GRIN2B: variants seen among roughly 807,000 people sequenced by gnomAD.
GRIN2B encodes the protein glutamate ionotropic receptor NMDA type subunit 2B.
GRIN2B carries 5 observed loss-of-function variants against 114.5 expected under a neutral mutation model. That is an observed-to-expected ratio of 0.04 (90% CI 0.02 to 0.09). The LOEUF (loss-of-function observed/expected upper bound fraction) is 0.09, where lower values mean the gene tolerates loss of function less well. Among genes scored for constraint, GRIN2B ranks in the 10% least tolerant of loss-of-function variants. The probability of loss-of-function intolerance (pLI) is 1.00; values close to 1 mark genes in which losing one functional copy is unlikely to be tolerated. For missense variants in GRIN2B, 1,108 were observed against 1,943.5 expected (o/e 0.57, Z 8.08); for synonymous variants, 787 against 745.1 (o/e 1.06, Z -0.92).
rs544156812 is a variant in GRIN2B at position 13,784,458 on chromosome 12, T to C, written c.412-30543A>G. On this transcript the variant is annotated intron_variant, in intron 3 of 13. Transcript: ENST00000609686. The stretch of plus-strand genomic sequence containing the variant: ...TGTCCCCAGGTGACAGAATTTCAAC[T>C]GTCCCCAGGTGATAGCTGTCCCACT... Among the ~76,000 whole-genome samples, 7 of 152,200 alleles carry C rather than the reference T, an allele frequency of 4.6e-5. No individual in the cohort carries two copies. The East Asian group carries it at 1.4e-3, about 30-fold the overall frequency.
chr12:13,835,849 C>CA (rs1865253551), intron 3 of GRIN2B, among the ~76,000 whole-genome samples: 1 of 149,556 alleles, frequency 6.7e-6, no homozygotes, highest in Non-Finnish European at 1.5e-5. Context: ...ATTGCCATGG[C>CA]AACTCTGAAT....
chr12:13,840,807 G>T (rs951489849), intron 3 of GRIN2B, among the ~76,000 whole-genome samples: 2 of 151,512 alleles, frequency 1.3e-5, no homozygotes, highest in South Asian at 2.1e-4. Context: ...TTTGTTGTTG[G>T]TGGTGATGGT....
chr12:13,935,726 G>T (rs549603012), intron 2 of GRIN2B, among the ~76,000 whole-genome samples: 1 of 152,264 alleles, frequency 6.6e-6, no homozygotes, highest in Admixed American at 6.5e-5. Context: ...TTCAATAAAT[G>T]CTAACTATTA....
intron 2 of GRIN2B, among the ~76,000 whole-genome samples, chr12:13,896,628 CAT>C (rs1383336610): frequency 6.6e-6 from 1 of 152,152 alleles, no homozygotes; most frequent in Non-Finnish European, 1.5e-5. Flanking sequence ...AAATAATACT[CAT>C]ATGATGATCT....
Position 13,611,608 on chromosome 12 carries a change from G to A in GRIN2B, c.1780+117C>T, listed in dbSNP as rs1591640389. The A allele has an allele frequency of 5.0e-6, 5 of 1,007,486 alleles. 1 individual carries two copies. The Admixed American group carries it at 6.8e-5, about 14-fold the overall frequency. The allele number at this position is 1,007,486 out of a possible 1,614,324, so 62.4% of individuals were successfully genotyped here. The stretch of plus-strand genomic sequence containing the variant: ...GGTGACTTAGAAATGTTCACCTGAG[G>A]GTTCCTTTTCAGAAATGGATATGCT... On this transcript the variant is annotated intron_variant, in intron 9 of 13. Transcript: ENST00000609686.
chr12:13,776,105 A>AATGAGATC (rs1167716230), intron 3 of GRIN2B, among the ~76,000 whole-genome samples: 1 of 152,220 alleles, frequency 6.6e-6, no homozygotes, highest in African/African-American at 2.4e-5. Flanking sequence ...CATGAAAAGG[A>AATGAGATC]ATGAGATCAT....
rs1220496922 is a variant in GRIN2B at position 13,608,741 on chromosome 12, C to T, written c.1872G>A (p.Lys624=). 6.2e-7 allele frequency: 1 copy of T among 1,614,002 alleles called. No individual in the cohort carries two copies. The highest frequency in any genetic ancestry group is 8.5e-7 in the Non-Finnish European group (1 of 1,179,992). ...ACACCATGATCTTGGAGGTGGTCCC[C>T]TTTGGGTTCTGCACAGGTACGGAGT... ...FNNSVPVQNP[K]GTTSKIMVSV... is the part of the protein sequence containing the mutation. Residue 624 remains lysine (K), a synonymous_variant, in exon 10 of 14, where the codon AAG becomes AAA. Transcript: ENST00000609686.
intron 12 of GRIN2B, 136 bp downstream of exon 12, chr12:13,569,694 C>CTACACAATATACT: frequency 6.5e-6 from 4 of 615,856 alleles, no homozygotes; most frequent in Non-Finnish European, 1.1e-5. Context: ...AATATATACC[C>CTACACAATATACT]GAAAACTACA....
chr12:13,787,406 A>C (rs1864239508), intron 3 of GRIN2B, among the ~76,000 whole-genome samples: 2 of 152,236 alleles, frequency 1.3e-5, no homozygotes, highest in African/African-American at 4.8e-5. Context: ...AGTACTATTC[A>C]AATTCTAGGA....
chr12:13,745,442 C>A (rs888446459), intron 4 of GRIN2B, among the ~76,000 whole-genome samples: 11 of 152,136 alleles, frequency 7.2e-5, no homozygotes, highest in Non-Finnish European at 1.0e-4. Context: ...CAGGCCAGGG[C>A]AAAGGTTAAC....
chr12:13,826,769 TTTATAAA>T (rs1376854619), intron 3 of GRIN2B, among the ~76,000 whole-genome samples: 1 of 152,128 alleles, frequency 6.6e-6, no homozygotes, highest in East Asian at 1.9e-4. Flanking sequence ...TTTAATAATG[TTTATAAA>T]TTCCCACCAA....
At chr12:13,824,215 T>G (rs1379147958) in intron 3 of GRIN2B, among the ~76,000 whole-genome samples, 2 of 152,344 alleles carry the variant, frequency 1.3e-5, no homozygotes, top group African/African-American at 4.8e-5. Flanking sequence ...TCTTTCTTTA[T>G]ACGTTTGGTA....
In GRIN2B at chr12:13,537,455, C is replaced by G. The variant is rs1452587209; in HGVS notation, c.*25328G>C. On this transcript the variant is annotated 3_prime_UTR_variant, in exon 14 of 14. Transcript: ENST00000609686. ...CAGAATTAGAGAACGAGGCTGTAAT[C>G]ATAAAATGGTGCTTCCGTTATGTCC... 2 of 152,072 alleles carry G rather than the reference C, an allele frequency of 1.3e-5. No individual in the cohort carries two copies. Among genetic ancestry groups the G allele is most frequent in the African/African-American group, 2.4e-5 (1 of 41,410 alleles). The allele number at this position is 152,072 out of a possible 1,614,324, so 9.4% of individuals were successfully genotyped here.
intron 12 of GRIN2B, 79 bp downstream of exon 12, chr12:13,569,751 T>C (rs916565586): frequency 1.9e-5 from 17 of 902,808 alleles, no homozygotes; most frequent in Non-Finnish European, 2.6e-5. Flanking sequence ...GTTAAAGAAA[T>C]GGAAGAAAAG....
At chr12:13,948,364 G>C (rs993650633) in intron 2 of GRIN2B, among the ~76,000 whole-genome samples, 5 of 152,150 alleles carry the variant, frequency 3.3e-5, no homozygotes, top group African/African-American at 1.2e-4. Flanking sequence ...TAGCCCTCTG[G>C]GGGGACTAAA....
intron 4 of GRIN2B, among the ~76,000 whole-genome samples, chr12:13,730,220 A>T (rs905952205): frequency 1.3e-5 from 2 of 152,214 alleles, no homozygotes; most frequent in Non-Finnish European, 2.9e-5. Flanking sequence ...CTATAATGGA[A>T]GAAATCCATT....
At chr12:13,746,274 A>G (rs1016044295) in intron 4 of GRIN2B, among the ~76,000 whole-genome samples, 1 of 152,152 alleles carries the variant, frequency 6.6e-6, no homozygotes, top group African/African-American at 2.4e-5. Flanking sequence ...TGGAGTTCAT[A>G]ACTTTCGCAG....
chr12:13,768,861 C>T (rs530869487), intron 3 of GRIN2B, among the ~76,000 whole-genome samples: 4 of 152,096 alleles, frequency 2.6e-5, no homozygotes, highest in South Asian at 2.1e-4. Flanking sequence ...GGTGAAACAC[C>T]GTCTCTACTA....
chr12:13,841,502 G>A (rs1865378536), intron 3 of GRIN2B, among the ~76,000 whole-genome samples: 1 of 152,146 alleles, frequency 6.6e-6, no homozygotes, highest in Admixed American at 6.5e-5. Flanking sequence ...ATATCCCATA[G>A]GACCTCAGTG....
Sources: gnomAD v4.1 joint callset for allele counts (sites outside exome capture counted in the v4.1 genomes callset) on GRCh38, gnomAD v4.1.1 for gene constraint, MANE v1.5 for transcripts, NCBI Gene and HGNC (gene_info 2026-07-23, HGNC 2026-07-21) for gene names.